The following ADGRB2 variants were observed in gnomAD, a reference collection of about 807,000 sequenced individuals.
ADGRB2 encodes the protein adhesion G protein-coupled receptor B2, also known as brain-specific angiogenesis inhibitor 2.
ADGRB2 carries 47 observed loss-of-function variants against 178.7 expected under a neutral mutation model. The observed-to-expected ratio is 0.26, with a 90% CI of 0.21 to 0.34. ADGRB2 has a LOEUF of 0.34. Among genes scored for constraint, ADGRB2 ranks in the 10% least tolerant of loss-of-function variants. ADGRB2 has a pLI of 1.00. For synonymous variants in ADGRB2, 870 were observed against 912.4 expected, an observed-to-expected ratio of 0.95 and a Z score of 0.84; for missense variants, 1,584 against 2,180.8, an observed-to-expected ratio of 0.73 and a Z score of 5.45.
At position 31,756,832 on chromosome 1, in the gene ADGRB2, T is replaced by C. The variant is rs1251750354; in HGVS notation, c.22-17A>G. The C allele has an allele frequency of 2.1e-5, 30 of 1,454,142 alleles. No individual in the cohort carries two copies. The Admixed American group carries it at 7.9e-4, about 38-fold the overall frequency. The allele number at this position is 1,454,142 out of a possible 1,614,324, so 90.1% of individuals were successfully genotyped here. On this transcript the variant is annotated splice_polypyrimidine_tract_variant and intron_variant, in intron 3 of 32. Transcript: ENST00000373658. This position sits in a 1 kb window ranked among gnomAD's most constrained non-coding sequence, Gnocchi z 8.5. The stretch of plus-strand genomic sequence containing the variant: ...TCCCTTGCCCTGTGGAGAGAGACAG[T>C]GGTCAGCGGGCCCCCAGCACAGCCA...
chr1:31,744,763 C>A lies in ADGRB2; in HGVS notation c.839-32G>T, dbSNP rs1215632120. 6.2e-7 allele frequency: 1 copy of A among 1,608,212 alleles called. No individual in the cohort carries two copies. Among genetic ancestry groups the A allele is most frequent in the East Asian group, 2.2e-5 (1 of 44,842 alleles). ...CACGGAGGTGGTGGCAGGGGCTCAG[C>A]AAAGGCCAGCTAGGTTCTGTTACAG... On this transcript the variant is annotated intron_variant, in intron 4 of 32. Coordinates refer to ENST00000373658, the MANE Select transcript of ADGRB2 (RefSeq NM_001364857.2). The surrounding 1 kb of genome is among the most constrained non-coding windows in gnomAD (Gnocchi z 6.7).
Position 31,744,881 on chromosome 1 carries a change from C to T in ADGRB2, c.839-150G>A. 1 of 747,722 alleles carries T rather than the reference C, an allele frequency of 1.3e-6. No homozygotes were observed. Among genetic ancestry groups the T allele is most frequent in the Non-Finnish European group, 2.3e-6 (1 of 430,792 alleles). The allele number at this position is 747,722 out of a possible 1,614,324, so 46.3% of individuals were successfully genotyped here. On this transcript the variant is annotated intron_variant, in intron 4 of 32. Coordinates refer to ENST00000373658, the MANE Select transcript of ADGRB2 (RefSeq NM_001364857.2). This position sits in a 1 kb window ranked among gnomAD's most constrained non-coding sequence, Gnocchi z 6.7. ...TCAGGATCACATTCTGCCCTCTGCCCCACCACCACTATTTCACAGACAAGG... is the reference window on the plus strand; with the variant it reads ...TCAGGATCACATTCTGCCCTCTGCCTCACCACCACTATTTCACAGACAAGG...
Position 31,764,124 on chromosome 1 carries a change from C to CCG in ADGRB2, c.-433_-432dup. ...CGGGCTCCTGCCGCCGCCGCCGCCG[C>CCG]CGCCTCCTTGCCGCGCCGCCCCCCG... On this transcript the variant is annotated 5_prime_UTR_variant, in exon 1 of 33. Coordinates refer to ENST00000373658, the MANE Select transcript of ADGRB2 (RefSeq NM_001364857.2). This position sits in a 1 kb window ranked among gnomAD's most constrained non-coding sequence, Gnocchi z 7.3. 1.1e-6 allele frequency: 1 copy of CCG among 898,852 alleles called. No individual in the cohort carries two copies. The highest frequency in any genetic ancestry group is 1.3e-6 in the Non-Finnish European group (1 of 754,896). 55.7% of individuals were successfully genotyped at this position (898,852 alleles called of 1,614,324 possible). A position where few individuals can be genotyped will look rare whatever the true frequency, so the allele number is the denominator to read the frequency against.
At position 31,744,930 on chromosome 1, in the gene ADGRB2, C is replaced by G. The variant is rs2148983922; in HGVS notation, c.839-199G>C. On this transcript the variant is annotated intron_variant, in intron 4 of 32. Transcript: ENST00000373658. This position sits in a 1 kb window ranked among gnomAD's most constrained non-coding sequence, Gnocchi z 6.7. ...GGAAACTGAGGTTCAGAAGGCTACA[C>G]AGGACTAGGCCCTGACCTCACAGTC... Among the ~76,000 whole-genome samples, 1 of 152,348 alleles carries G rather than the reference C, an allele frequency of 6.6e-6. No homozygotes were observed. The highest frequency in any genetic ancestry group is 2.1e-4 in the South Asian group (1 of 4,830).
At chr1:31,757,083 G>T in intron 3 of ADGRB2, 118 bp downstream of exon 3, 1 of 1,544,516 alleles carries the variant, frequency 6.5e-7, no homozygotes, top group Non-Finnish European at 8.9e-7. Context: ...GAGAGTGCCT[G>T]GAATCTTGTG....
At chr1:31,751,597 G>A (rs918349978) in intron 4 of ADGRB2, among the ~76,000 whole-genome samples, 3 of 152,054 alleles carry the variant, frequency 2.0e-5, no homozygotes, top group Non-Finnish European at 4.4e-5. Flanking sequence ...AGTTAATAAC[G>A]GCGCTTTGTT....
At position 31,756,170 on chromosome 1, in the gene ADGRB2, A is replaced by C; in HGVS notation, c.667T>G (p.Cys223Gly). The C allele has an allele frequency of 1.2e-6, 2 of 1,613,214 alleles. No homozygotes were observed. The highest frequency in any genetic ancestry group is 1.7e-6 in the Non-Finnish European group (2 of 1,179,858). ...GCCCCCGCCTCTCCAGGGCAGCTGC[A>C]GCCTGGCTGAGCAAAGCCGCAGGCC... ...GRACGFAQPGCSCPGEAGAGS... is the reference protein window; with the variant it reads ...GRACGFAQPGGSCPGEAGAGS... Residue 223 changes from cysteine to glycine, a missense_variant, in exon 4 of 33, where the codon TGC becomes GGC. Physicochemically the swap from Cys to Gly is radical, Grantham distance 159 (BLOSUM62 -3). Around this residue, in one of 3 missense-constraint regions of ADGRB2, gnomAD observed 657 missense variants for 847.6 expected, o/e 0.78. Coordinates refer to ENST00000373658, the MANE Select transcript of ADGRB2 (RefSeq NM_001364857.2). This position sits in a 1 kb window ranked among gnomAD's most constrained non-coding sequence, Gnocchi z 8.5.
At chr1:31,751,029 G>A (rs193264777) in intron 4 of ADGRB2, among the ~76,000 whole-genome samples, 131 of 152,058 alleles carry the variant, frequency 8.6e-4, no homozygotes, top group Admixed American at 3.5e-3. Flanking sequence ...CCCCCAAGAC[G>A]CCCAGTTTCT....
intron 3 of ADGRB2, among the ~76,000 whole-genome samples, 184 bp downstream of exon 3, chr1:31,757,017 A>G (rs1016989005): frequency 6.6e-6 from 1 of 152,236 alleles, no homozygotes; most frequent in Non-Finnish European, 1.5e-5. Context: ...GACCAATGAT[A>G]GGACCTATCG....
At position 31,759,579 on chromosome 1, in the gene ADGRB2, C is replaced by T. The variant is rs771311022; in HGVS notation, c.-190-2068G>A. Among the ~76,000 whole-genome samples the T allele has an allele frequency of 6.6e-6, 1 of 152,122 alleles. No homozygotes were observed. The highest frequency in any genetic ancestry group is 1.5e-5 in the Non-Finnish European group (1 of 67,928). ...TCCTCCCCTCAGTCTCCTTCAGACA[C>T]CTTCACGCTCATTCTGGGATTTCGT... On this transcript the variant is annotated intron_variant, in intron 1 of 32. Coordinates refer to ENST00000373658, the MANE Select transcript of ADGRB2 (RefSeq NM_001364857.2). This position sits in a 1 kb window ranked among gnomAD's most constrained non-coding sequence, Gnocchi z 4.3.
Position 31,756,629 on chromosome 1 carries a change from C to T in ADGRB2, c.208G>A (p.Glu70Lys). 6.2e-7 allele frequency: 1 copy of T among 1,607,508 alleles called. No individual in the cohort carries two copies. The highest frequency in any genetic ancestry group is 8.5e-7 in the Non-Finnish European group (1 of 1,176,508). ...TIASGCSWTL[E>K]NPDPTKYSLY... ...GAGTACTTGGTGGGGTCAGGGTTCTCCAGGGTCCAGGAGCAGCCCGAGGCG... is the reference window on the plus strand; with the variant it reads ...GAGTACTTGGTGGGGTCAGGGTTCTTCAGGGTCCAGGAGCAGCCCGAGGCG... The change falls in exon 4 of 33, where the codon GAG becomes AAG. Residue 70 changes from glutamate to lysine, a missense_variant. By Grantham distance (56) the Glu-to-Lys change is moderately conservative. Around this residue, in one of 3 missense-constraint regions of ADGRB2, gnomAD observed 657 missense variants for 847.6 expected, o/e 0.78. Coordinates refer to ENST00000373658, the MANE Select transcript of ADGRB2 (RefSeq NM_001364857.2). The surrounding 1 kb of genome is among the most constrained non-coding windows in gnomAD (Gnocchi z 8.5).
chr1:31,737,846 C>A, intron 18 of ADGRB2, 91 bp from the exon 19 acceptor site: 1 of 1,192,034 alleles, frequency 8.4e-7, no homozygotes, highest in Non-Finnish European at 1.2e-6. Flanking sequence ...GACTGGCATA[C>A]CCACAGGCAG....
rs1257602171 is a variant in ADGRB2, at chr1:31,756,446, C to G, written c.391G>C (p.Glu131Gln). ...AESEVGRPEEEEAEAAAGLEL... is the reference protein window; with the variant it reads ...AESEVGRPEEQEAEAAAGLEL... ...AACCCCGCTGCCGCCTCTGCCTCCTCCTCTTCTGGCCGCCCCACCTCTGAC... is the reference window on the plus strand; with the variant it reads ...AACCCCGCTGCCGCCTCTGCCTCCTGCTCTTCTGGCCGCCCCACCTCTGAC... The change falls in exon 4 of 33, where the codon GAG becomes CAG. Residue 131 changes from glutamate to glutamine, a missense_variant. Physicochemically the swap from Glu to Gln is conservative, Grantham distance 29. Around this residue, in one of 3 missense-constraint regions of ADGRB2, gnomAD observed 657 missense variants for 847.6 expected, o/e 0.78. Coordinates refer to ENST00000373658, the MANE Select transcript of ADGRB2 (RefSeq NM_001364857.2). The surrounding 1 kb of genome is among the most constrained non-coding windows in gnomAD (Gnocchi z 8.5). 1 of 1,611,430 alleles carries G rather than the reference C, an allele frequency of 6.2e-7. No homozygotes were observed. Among genetic ancestry groups the G allele is most frequent in the East Asian group, 2.2e-5 (1 of 44,808 alleles).
chr1:31,760,221 TAGAG>T (rs1271868984), intron 1 of ADGRB2, among the ~76,000 whole-genome samples: 4 of 152,052 alleles, frequency 2.6e-5, no homozygotes, highest in East Asian at 1.9e-4. Context: ...AGGTGGCTGA[TAGAG>T]AGGAGGATCA....
chr1:31,734,872 A>T (rs1390142329), intron 25 of ADGRB2, among the ~76,000 whole-genome samples: 3 of 152,126 alleles, frequency 2.0e-5, no homozygotes, highest in African/African-American at 7.2e-5. Flanking sequence ...CTAAGGCTTA[A>T]GATTGTCTGA....
chr1:31,728,959 T>G lies in ADGRB2; in HGVS notation c.4381-326A>C, dbSNP rs1313514052. On this transcript the variant is annotated intron_variant, in intron 29 of 32. Transcript: ENST00000373658. The surrounding 1 kb of genome is among the most constrained non-coding windows in gnomAD (Gnocchi z 6.7). The stretch of plus-strand genomic sequence containing the variant: ...AGCCCACCCTGCATCCTTCCCCATC[T>G]TGCCCCATTCTCTCTGCCAGCCATA... 6.6e-6 allele frequency among the ~76,000 whole-genome samples: 1 copy of G among 152,066 alleles called. No individual in the cohort carries two copies. The highest frequency in any genetic ancestry group is 1.5e-5 in the Non-Finnish European group (1 of 68,018).
rs139751061 is a variant in ADGRB2 at position 31,742,119 on chromosome 1, G to A, written c.1351C>T (p.Pro451Ser). 2.9e-4 allele frequency: 473 copies of A among 1,613,148 alleles called. No homozygotes were observed. Among genetic ancestry groups the A allele is most frequent in the Non-Finnish European group, 3.8e-4 (450 of 1,179,896 alleles). Reference protein sequence around the residue: ...QRSRKCSVAGPAWATCTGALT... With the variant: ...QRSRKCSVAGSAWATCTGALT... Reference sequence around the variant, plus strand: ...GCACCCGTGCATGTGGCCCAGGCTGGGCCCGCCACGCTGCACTTCCGGCTG... The same window carrying A: ...GCACCCGTGCATGTGGCCCAGGCTGAGCCCGCCACGCTGCACTTCCGGCTG... The change falls in exon 8 of 33, where the codon CCA becomes TCA. Residue 451 changes from proline (P) to serine (S), a missense_variant. Physicochemically the swap from Pro to Ser is moderately conservative, Grantham distance 74 (BLOSUM62 -1). Coordinates refer to ENST00000373658, the MANE Select transcript of ADGRB2 (RefSeq NM_001364857.2).
Position 31,741,879 on chromosome 1 carries a change from G to A in ADGRB2, c.1506C>T (p.Cys502=). 6.2e-7 allele frequency: 1 copy of A among 1,611,512 alleles called. No individual in the cohort carries two copies. The highest frequency in any genetic ancestry group is 2.2e-5 in the East Asian group (1 of 44,794). The change falls in exon 9 of 33, where the codon TGC becomes TGT. Residue 502 remains cysteine, a synonymous_variant. Transcript: ENST00000373658. This position sits in a 1 kb window ranked among gnomAD's most constrained non-coding sequence, Gnocchi z 6.5. ...DTGWQRRFRM[C]QATGTQGYPC... ...GGTAGCCCTGCGTGCCCGTGGCCTG[G>A]CACATGCGGAAGCGGCGCTGCCAGC...
rs1053545613 is a variant in ADGRB2, at chr1:31,744,550, G to A, written c.922+98C>T. The A allele has an allele frequency of 9.4e-6, 14 of 1,490,100 alleles. No homozygotes were observed. The highest frequency in any genetic ancestry group is 2.8e-5 in the African/African-American group (2 of 71,644). 92.3% of individuals were successfully genotyped at this position (1,490,100 alleles called of 1,614,324 possible). ...CATGTGGCACAGACGCGACTGAACT[G>A]CAGGACAGAGACAGACAGGCACACA... On this transcript the variant is annotated intron_variant, in intron 5 of 32. Coordinates refer to ENST00000373658, the MANE Select transcript of ADGRB2 (RefSeq NM_001364857.2). This position sits in a 1 kb window ranked among gnomAD's most constrained non-coding sequence, Gnocchi z 6.7.
Sources: gnomAD v4.1 joint callset for allele counts (sites outside exome capture counted in the v4.1 genomes callset) on GRCh38, gnomAD v4.1.1 for gene constraint, gnomAD v4.1.1 regional missense constraint, Gnocchi (gnomAD v3.1) non-coding constraint, MANE v1.5 for transcripts, NCBI Gene and HGNC (gene_info 2026-07-23, HGNC 2026-07-21) for gene names.